Variants in ANKRD18B observed in about 807,000 individuals in gnomAD.
ANKRD18B encodes the protein ankyrin repeat domain-containing protein 18B.
Under a neutral mutation model 111.8 loss-of-function variants are expected in ANKRD18B, and 75 were observed. The observed-to-expected ratio is 0.67, with a 90% confidence interval of 0.56 to 0.81. The LOEUF (loss-of-function observed/expected upper bound fraction) is 0.81. Among genes scored for constraint, ANKRD18B ranks in the 40% least tolerant of loss-of-function variants. The pLI is 0.00. For synonymous variants in ANKRD18B, 356 were observed against 417.3 expected (o/e 0.85, Z 1.79); for missense variants, 1,038 against 1,225.5 (o/e 0.85, Z 2.28).
At chr9:33,545,464 A>G (rs1287409959) in intron 10 of ANKRD18B, among the ~76,000 whole-genome samples, 2 of 152,204 alleles carry the variant, frequency 1.3e-5, no homozygotes, top group African/African-American at 4.8e-5. Flanking sequence ...AAGCTACAGT[A>G]TTTCTGCTAT....
At chr9:33,542,052 T>C (rs1433244894) in intron 9 of ANKRD18B, among the ~76,000 whole-genome samples, 2 of 151,876 alleles carry the variant, frequency 1.3e-5, no homozygotes, top group Admixed American at 6.6e-5. Context: ...AATCTCACTG[T>C]CTAAGTCTCA....
At chr9:33,524,791 G>T in intron 1 of ANKRD18B, 96 bp downstream of exon 1, 2 of 1,403,402 alleles carry the variant, frequency 1.4e-6, no homozygotes, top group Non-Finnish European at 1.9e-6. Context: ...GGGACCCTGG[G>T]AGCCGCGGAG....
intron 4 of ANKRD18B, chr9:33,533,934 T>C (rs1306983198): frequency 1.3e-5 from 2 of 153,570 alleles, no homozygotes; most frequent in East Asian, 1.9e-4. Context: ...GTTGTTGCTG[T>C]TGTTGTTGAT....
rs1006145549 is a variant in ANKRD18B, at chr9:33,548,489, T to A, written c.1701T>A (p.Ala567=). 5.8e-6 allele frequency: 9 copies of A among 1,551,026 alleles called. No homozygotes were observed. Among genetic ancestry groups the A allele is most frequent in the Non-Finnish European group, 7.8e-6 (9 of 1,146,660 alleles). ...GTAAGCTCCGTGAGACAAGAGATGC[T>A]CTCAGGGAAAAGACATTGGCTTTAG... ...LKGKLRETRD[A]LREKTLALES... The change falls in exon 11 of 19, where the codon GCT becomes GCA. Residue 567 remains alanine, a synonymous_variant. Coordinates refer to ENST00000684830, the MANE Select transcript of ANKRD18B (RefSeq NM_001393611.1).
rs1396527255 is a variant in ANKRD18B at position 33,567,286 on chromosome 9, A to G, written c.2926A>G (p.Asn976Asp). 3.9e-6 allele frequency: 6 copies of G among 1,545,846 alleles called. No homozygotes were observed. In the Admixed American group the frequency reaches 1.2e-4, roughly 31 times the overall value. Residue 976 changes from asparagine (N) to aspartate (D), a missense_variant, in exon 16 of 19, where the codon AAC becomes GAC. Around this residue, in one of 4 missense-constraint regions of ANKRD18B, gnomAD observed 524 missense variants for 677.9 expected, o/e 0.77. Coordinates refer to ENST00000684830, the MANE Select transcript of ANKRD18B (RefSeq NM_001393611.1). ...AGCCTTTGCAGTAGCATTGAAAGCT[A>G]ACAGTTCCATGTCAGAAAAAATAAC... ...KEAFAVALKA[N>D]SSMSEKITKS...
chr9:33,534,349 G>A (rs1284220038), intron 4 of ANKRD18B, 21 bp from the exon 5 acceptor site: 1 of 1,519,788 alleles, frequency 6.6e-7, no homozygotes, highest in Non-Finnish European at 8.8e-7. Flanking sequence ...CTTGAGTGCT[G>A]TTATTTCTTT....
intron 16 of ANKRD18B, among the ~76,000 whole-genome samples, chr9:33,567,807 G>C (rs938333906): frequency 6.6e-6 from 1 of 152,190 alleles, no homozygotes; most frequent in African/African-American, 2.4e-5. Context: ...GGTACCTCAA[G>C]AAAAACTATT....
chr9:33,546,405 A>G (rs1253506683), intron 10 of ANKRD18B, among the ~76,000 whole-genome samples: 1 of 152,160 alleles, frequency 6.6e-6, no homozygotes, highest in African/African-American at 2.4e-5. Context: ...GTTGAATCAG[A>G]CTTTTACATG....
intron 9 of ANKRD18B, among the ~76,000 whole-genome samples, chr9:33,542,439 A>G (rs1408240894): frequency 6.6e-6 from 1 of 150,548 alleles, no homozygotes; most frequent in Non-Finnish European, 1.5e-5. Context: ...GTGGAGTGCA[A>G]TGGCATGATC....
At position 33,541,149 on chromosome 9, in the gene ANKRD18B, A is replaced by G. The variant is rs1258650428; in HGVS notation, c.1000A>G (p.Thr334Ala). Residue 334 changes from threonine to alanine, a missense_variant and splice_region_variant, in exon 9 of 19, where the codon ACA becomes GCA. Coordinates refer to ENST00000684830, the MANE Select transcript of ANKRD18B (RefSeq NM_001393611.1). ...DNRHMRPCPETAAMKPENLKK... is the reference protein window; with the variant it reads ...DNRHMRPCPEAAAMKPENLKK... ...TAACAAGTTTGCGTGTTTGACAGAAACAGCAGCTATGAAGCCTGAAAATTT... is the reference window on the plus strand; with the variant it reads ...TAACAAGTTTGCGTGTTTGACAGAAGCAGCAGCTATGAAGCCTGAAAATTT... 3.2e-6 allele frequency: 5 copies of G among 1,541,080 alleles called. No homozygotes were observed. Among genetic ancestry groups the G allele is most frequent in the African/African-American group, 1.4e-5 (1 of 71,962 alleles).
chr9:33,569,048 C>T (rs1386358016), intron 17 of ANKRD18B, 155 bp downstream of exon 17: 5 of 674,638 alleles, frequency 7.4e-6, no homozygotes, highest in Non-Finnish European at 1.1e-5. Flanking sequence ...GGAAACTTTA[C>T]ATTTTTTAAT....
chr9:33,566,999 A>G, intron 15 of ANKRD18B, 104 bp from the exon 16 acceptor site: 1 of 1,159,024 alleles, frequency 8.6e-7, no homozygotes, highest in South Asian at 1.6e-5. Flanking sequence ...TTTTTAACAT[A>G]TTCAAAATTG....
At chr9:33,544,031 A>G (rs2118040165) in intron 10 of ANKRD18B, among the ~76,000 whole-genome samples, 1 of 152,290 alleles carries the variant, frequency 6.6e-6, no homozygotes, top group East Asian at 1.9e-4. Context: ...ATAATTTAGC[A>G]TTTGCCTACT....
rs1342486452 is a variant in ANKRD18B, at chr9:33,572,540, T to C, written c.*106T>C. 46 of 1,350,264 alleles carry C rather than the reference T, an allele frequency of 3.4e-5. No homozygotes were observed. The highest frequency in any genetic ancestry group is 4.2e-5 in the Non-Finnish European group (44 of 1,041,098). The allele number at this position is 1,350,264 out of a possible 1,614,324, so 83.6% of individuals were successfully genotyped here. On this transcript the variant is annotated 3_prime_UTR_variant, in exon 19 of 19. Transcript: ENST00000684830. Reference sequence around the variant, plus strand: ...ACTAAAGTAGAATATTTTCATATCATATGATGTATATTTATATGTTATTTT... The same window carrying C: ...ACTAAAGTAGAATATTTTCATATCACATGATGTATATTTATATGTTATTTT...
chr9:33,534,064 A>T (rs945816628), intron 4 of ANKRD18B, among the ~76,000 whole-genome samples: 1 of 152,162 alleles, frequency 6.6e-6, no homozygotes, highest in African/African-American at 2.4e-5. Context: ...ATCTTTGCCC[A>T]CTTTCAATAA....
At chr9:33,525,229 A>G (rs1330305317) in intron 1 of ANKRD18B, among the ~76,000 whole-genome samples, 1 of 151,778 alleles carries the variant, frequency 6.6e-6, no homozygotes, top group Non-Finnish European at 1.5e-5. Flanking sequence ...CTGTCTTACC[A>G]TTGTGATGAC....
chr9:33,554,535 G>A (rs1293870846), intron 12 of ANKRD18B, among the ~76,000 whole-genome samples: 2 of 152,180 alleles, frequency 1.3e-5, no homozygotes, highest in African/African-American at 4.8e-5. Context: ...AGGCATGGTG[G>A]CTCACGCCTG....
chr9:33,544,522 G>C (rs903623522), intron 10 of ANKRD18B, among the ~76,000 whole-genome samples: 2 of 152,142 alleles, frequency 1.3e-5, no homozygotes, highest in African/African-American at 4.8e-5. Flanking sequence ...GGATATATCT[G>C]TATATTCAGG....
intron 10 of ANKRD18B, among the ~76,000 whole-genome samples, chr9:33,547,681 AGTGTGTGTGTGT>A (rs55918212): frequency 0.21 from 31,126 of 146,232 alleles, 3,857 homozygotes; most frequent in Non-Finnish European, 0.27. Context: ...AATTCTCTAG[AGTGTGTGTGTGT>A]GTGTGTGTGT....
Sources: gnomAD v4.1 joint callset for allele counts (sites outside exome capture counted in the v4.1 genomes callset) on GRCh38, gnomAD v4.1.1 for gene constraint, gnomAD v4.1.1 regional missense constraint, MANE v1.5 for transcripts, NCBI Gene and HGNC (gene_info 2026-07-23, HGNC 2026-07-21) for gene names.